The following LCN10 variants were observed in gnomAD, a reference collection of about 807,000 sequenced individuals.
The protein encoded by LCN10 is epididymal-specific lipocalin-10.
In LCN10, 18 loss-of-function variants were observed where a neutral mutation model predicts 25.1. The observed-to-expected ratio is 0.72, with a 90% CI of 0.50 to 1.06. The LOEUF is 1.06. Among genes scored for constraint, LCN10 ranks in the 50% least tolerant of loss-of-function variants. The probability of loss-of-function intolerance (pLI) is 0.00; values close to 1 mark genes in which losing one functional copy is unlikely to be tolerated. For synonymous variants in LCN10, 130 were observed against 116.7 expected, an observed-to-expected ratio of 1.11 and a Z score of -0.73; for missense variants, 257 against 258.9, an observed-to-expected ratio of 0.99 and a Z score of 0.05.
Position 136,739,857 on chromosome 9 carries a change from G to T in LCN10, c.574+93C>A. 1.9e-6 allele frequency: 2 copies of T among 1,060,910 alleles called. No homozygotes were observed. The highest frequency in any genetic ancestry group is 1.4e-6 in the Non-Finnish European group (1 of 699,912). The allele number at this position is 1,060,910 out of a possible 1,614,324, so 65.7% of individuals were successfully genotyped here. On this transcript the variant is annotated intron_variant, in intron 5 of 5. Coordinates refer to ENST00000497771, the MANE Select transcript of LCN10 (RefSeq NM_001001712.3). The surrounding 1 kb of genome is among the most constrained non-coding windows in gnomAD (Gnocchi z 6.1). ...TCTTTCAAATGGCACCTTTCAAATG[G>T]ATCCTTTCATCTCTCCTTCCCCCAA...
At position 136,740,392 on chromosome 9, in the gene LCN10, G is replaced by T; in HGVS notation, c.476-344C>A. The T allele has an allele frequency of 2.3e-6, 1 of 440,090 alleles. No individual in the cohort carries two copies. The highest frequency in any genetic ancestry group is 4.3e-5 in the East Asian group (1 of 23,390). The allele number at this position is 440,090 out of a possible 1,614,324, so 27.3% of individuals were successfully genotyped here. ...CACCTCCCCTCTACCCGTTCCAACCGGGAGGGCCACTCCTTTCCGTGTACC... is the reference window on the plus strand; with the variant it reads ...CACCTCCCCTCTACCCGTTCCAACCTGGAGGGCCACTCCTTTCCGTGTACC... On this transcript the variant is annotated intron_variant, in intron 4 of 5. Coordinates refer to ENST00000497771, the MANE Select transcript of LCN10 (RefSeq NM_001001712.3). The surrounding 1 kb of genome is among the most constrained non-coding windows in gnomAD (Gnocchi z 5.3).
In LCN10 at chr9:136,740,495, C is replaced by T. The variant is rs1465062756; in HGVS notation, c.475+341G>A. 4.4e-6 allele frequency: 2 copies of T among 456,458 alleles called. No homozygotes were observed. Among genetic ancestry groups the T allele is most frequent in the East Asian group, 7.3e-5 (2 of 27,336 alleles). 28.3% of individuals were successfully genotyped at this position (456,458 alleles called of 1,614,324 possible). ...CACTTCCACACCCCTCCATCCCGGG[C>T]AGACCCTTACCTGGGACCCCTCCCA... On this transcript the variant is annotated intron_variant, in intron 4 of 5. Transcript: ENST00000497771. This position sits in a 1 kb window ranked among gnomAD's most constrained non-coding sequence, Gnocchi z 5.3.
intron 2 of LCN10, 155 bp downstream of exon 2, chr9:136,741,726 A>T: frequency 9.6e-7 from 1 of 1,038,074 alleles, no homozygotes; most frequent in Non-Finnish European, 1.4e-6. Flanking sequence ...CAGGGGCTGC[A>T]GGTGGCTTCC....
chr9:136,742,082 G>C, intron 1 of LCN10, 62 bp from the exon 2 acceptor site: 1 of 1,593,980 alleles, frequency 6.3e-7, no homozygotes. Context: ...CCACCCCCGA[G>C]GTTCCCAGCT....
chr9:136,741,570 G>C, intron 2 of LCN10: 1 of 605,740 alleles, frequency 1.7e-6, no homozygotes, highest in Non-Finnish European at 2.9e-6. Context: ...ATTCGGACTG[G>C]GGCCTGTCCC....
In LCN10 at chr9:136,739,491, C is replaced by T. The variant is rs144903387; in HGVS notation, c.*34G>A. 3.2e-4 allele frequency: 514 copies of T among 1,582,684 alleles called. 1 individual carries two copies. The highest frequency in any genetic ancestry group is 2.3e-3 in the African/African-American group (168 of 74,394). ...ACGCTCCTCGGGTCTGGGAGGACCA[C>T]GCGTCGAAAGGGAAGAGCAGAGGAC... On this transcript the variant is annotated 3_prime_UTR_variant, in exon 6 of 6. Transcript: ENST00000497771. This position sits in a 1 kb window ranked among gnomAD's most constrained non-coding sequence, Gnocchi z 6.1.
rs1330414540 is a variant in LCN10, at chr9:136,741,760, G to A, written c.257+121C>T. The A allele has an allele frequency of 3.1e-5, 41 of 1,328,164 alleles. No individual in the cohort carries two copies. In the East Asian group the frequency reaches 9.8e-4, roughly 32 times the overall value. The allele number at this position is 1,328,164 out of a possible 1,614,324, so 82.3% of individuals were successfully genotyped here. ...CCTCTGAGTTTAGGGGGAGGAAGTGGGGGGACGGTTCTTGTGGAACTTCCA... is the reference window on the plus strand; with the variant it reads ...CCTCTGAGTTTAGGGGGAGGAAGTGAGGGGACGGTTCTTGTGGAACTTCCA... On this transcript the variant is annotated intron_variant, in intron 2 of 5. Coordinates refer to ENST00000497771, the MANE Select transcript of LCN10 (RefSeq NM_001001712.3).
rs1318683859 is a variant in LCN10 at position 136,742,802 on chromosome 9, G to A, written c.102C>T (p.Ala34=). The change falls in exon 1 of 6, where the codon GCC becomes GCT. Residue 34 remains alanine, a synonymous_variant. Transcript: ENST00000497771. ...CATGGCTCACCTTGTTCCAGTTGAG[G>A]GCGTGGGACTCCCTGGGGTACCACT... ...VQEWYPRESH[A]LNWNKFSGFW... 7.4e-6 allele frequency: 12 copies of A among 1,613,388 alleles called. No individual in the cohort carries two copies. Among genetic ancestry groups the A allele is most frequent in the Admixed American group, 1.7e-5 (1 of 60,004 alleles).
rs557924166 is a variant in LCN10 at position 136,741,602 on chromosome 9, A to G, written c.258-241T>C. The G allele has an allele frequency of 4.9e-5, 30 of 607,440 alleles. No individual in the cohort carries two copies. The African/African-American group carries it at 5.0e-4, about 10-fold the overall frequency. 37.6% of individuals were successfully genotyped at this position (607,440 alleles called of 1,614,324 possible). The stretch of plus-strand genomic sequence containing the variant: ...TCCCACGGCACGAGAGAAACTCCCA[A>G]CACCCACCCGTGTGGGGCCCAGGAG... On this transcript the variant is annotated intron_variant, in intron 2 of 5. Transcript: ENST00000497771.
At position 136,741,318 on chromosome 9, in the gene LCN10, C is replaced by T. The variant is rs1025988366; in HGVS notation, c.301G>A (p.Gly101Arg). Residue 101 changes from glycine (G) to arginine (R), a missense_variant, in exon 3 of 6, where the codon GGG (glycine) becomes AGG (arginine). Coordinates refer to ENST00000497771, the MANE Select transcript of LCN10 (RefSeq NM_001001712.3). Reference sequence around the variant, plus strand: ...GCGTTCCCAAACACCGGCTTCTTCCCGTCTTTCCTCAGGATCACCTCCTGG... The same window carrying T: ...GCGTTCCCAAACACCGGCTTCTTCCTGTCTTTCCTCAGGATCACCTCCTGG... ...QSQEVILRKD[G>R]KKPVFGNACA... 3.7e-6 allele frequency: 6 copies of T among 1,613,354 alleles called. No homozygotes were observed. Among genetic ancestry groups the T allele is most frequent in the Non-Finnish European group, 5.1e-6 (6 of 1,179,796 alleles).
In LCN10 at chr9:136,740,658, G is replaced by T. The variant is rs1233723334; in HGVS notation, c.475+178C>A. On this transcript the variant is annotated intron_variant, in intron 4 of 5. Transcript: ENST00000497771. The surrounding 1 kb of genome is among the most constrained non-coding windows in gnomAD (Gnocchi z 5.3). The stretch of plus-strand genomic sequence containing the variant: ...TGACGTCCCCTATCCTTGCTTCAGC[G>T]ACCTCCAGGACCTGACTGCTGTGGT... The T allele has an allele frequency of 3.5e-6, 2 of 572,844 alleles. No individual in the cohort carries two copies. Among genetic ancestry groups the T allele is most frequent in the Non-Finnish European group, 6.2e-6 (2 of 322,358 alleles). 35.5% of individuals were successfully genotyped at this position (572,844 alleles called of 1,614,324 possible).
At position 136,741,319 on chromosome 9, in the gene LCN10, G is replaced by A. The variant is rs548657046; in HGVS notation, c.300C>T (p.Asp100=). The A allele has an allele frequency of 1.7e-5, 27 of 1,613,140 alleles. No homozygotes were observed. Among genetic ancestry groups the A allele is most frequent in the Middle Eastern group, 1.6e-4 (1 of 6,084 alleles). ...CQSQEVILRK[D]GKKPVFGNAC... ...CGTTCCCAAACACCGGCTTCTTCCC[G>A]TCTTTCCTCAGGATCACCTCCTGGG... The change falls in exon 3 of 6, where the codon GAC becomes GAT. Residue 100 remains aspartate, a synonymous_variant. Transcript: ENST00000497771.
Position 136,741,881 on chromosome 9 carries a change from C to T in LCN10, c.257G>A (p.Arg86Gln), listed in dbSNP as rs761032317. Residue 86 changes from arginine to glutamine, a missense_variant and splice_region_variant, in exon 2 of 6, where the codon CGG becomes CAG. Transcript: ENST00000497771. ...TGCCTGGGGGGCGCTGCCCACTCAC[C>T]GTCTGAAGGCGAGGAGCACGCGGAG... ...GQLRVLLAFR[R>Q]LKGCQSQEVI... is the part of the protein sequence containing the mutation. 2.9e-5 allele frequency: 47 copies of T among 1,603,680 alleles called. No homozygotes were observed. Among genetic ancestry groups the T allele is most frequent in the East Asian group, 4.5e-5 (2 of 44,486 alleles).
In LCN10 at chr9:136,740,032, C is replaced by T. The variant is rs374555716; in HGVS notation, c.492G>A (p.Ser164=). 1.5e-5 allele frequency: 24 copies of T among 1,576,496 alleles called. No individual in the cohort carries two copies. The highest frequency in any genetic ancestry group is 1.8e-5 in the Non-Finnish European group (21 of 1,160,514). The part of the protein sequence containing the change: ...NLLLFHRQNV[S]SFQSLKEFMD... ...TGAATTCCTTCAGACTCTGGAAGCT[C>T]GAAACATTCTGCCTATCTGAGGTTG... The change falls in exon 5 of 6, where the codon TCG becomes TCA. Residue 164 remains serine, a synonymous_variant. Coordinates refer to ENST00000497771, the MANE Select transcript of LCN10 (RefSeq NM_001001712.3). This position sits in a 1 kb window ranked among gnomAD's most constrained non-coding sequence, Gnocchi z 5.3.
At position 136,740,752 on chromosome 9, in the gene LCN10, G is replaced by GGGT; in HGVS notation, c.475+83_475+84insACC. ...ACTCTCCCTGCCCGCCTCACCTCCTGCCCGGCCCCCTGTGCCCAGCGCCCC... is the reference window on the plus strand; with the variant it reads ...ACTCTCCCTGCCCGCCTCACCTCCTGGGTCCCGGCCCCCTGTGCCCAGCGCCCC... On this transcript the variant is annotated intron_variant, in intron 4 of 5. Coordinates refer to ENST00000497771, the MANE Select transcript of LCN10 (RefSeq NM_001001712.3). The surrounding 1 kb of genome is among the most constrained non-coding windows in gnomAD (Gnocchi z 5.3). The GGGT allele has an allele frequency of 9.5e-7, 1 of 1,056,800 alleles. No individual in the cohort carries two copies. Among genetic ancestry groups the GGGT allele is most frequent in the Non-Finnish European group, 1.4e-6 (1 of 737,710 alleles). 65.5% of individuals were successfully genotyped at this position (1,056,800 alleles called of 1,614,324 possible). A position where few individuals can be genotyped will look rare whatever the true frequency, so the allele number is the denominator to read the frequency against.
chr9:136,740,747 C>CTCCTGTG lies in LCN10; in HGVS notation c.475+88_475+89insCACAGGA, dbSNP rs11281091. On this transcript the variant is annotated intron_variant, in intron 4 of 5. Transcript: ENST00000497771. The surrounding 1 kb of genome is among the most constrained non-coding windows in gnomAD (Gnocchi z 5.3). ...CCCCCACTCTCCCTGCCCGCCTCACCTCCTGCCCGGCCCCCTGTGCCCAGC... is the reference window on the plus strand; with the variant it reads ...CCCCCACTCTCCCTGCCCGCCTCACCTCCTGTGTCCTGCCCGGCCCCCTGTGCCCAGC... The CTCCTGTG allele has an allele frequency of 2.0e-6, 2 of 1,003,576 alleles. No individual in the cohort carries two copies. The highest frequency in any genetic ancestry group is 1.5e-6 in the Non-Finnish European group (1 of 683,064). The allele number at this position is 1,003,576 out of a possible 1,614,324, so 62.2% of individuals were successfully genotyped here.
intron 1 of LCN10, chr9:136,742,419 G>C (rs1384508989): frequency 2.4e-6 from 1 of 422,138 alleles, no homozygotes; most frequent in Middle Eastern, 6.4e-4. Context: ...GTGCCAATGA[G>C]TGCTGCTCCC....
Position 136,740,232 on chromosome 9 carries a change from C to T in LCN10, c.476-184G>A, listed in dbSNP as rs116865492. 0.028 allele frequency: 17,015 copies of T among 612,606 alleles called. 338 individuals carry two copies. The highest frequency in any genetic ancestry group is 0.038 in the Non-Finnish European group (12,764 of 336,928). The allele number at this position is 612,606 out of a possible 1,614,324, so 37.9% of individuals were successfully genotyped here. A position where few individuals can be genotyped will look rare whatever the true frequency, so the allele number is the denominator to read the frequency against. On this transcript the variant is annotated intron_variant, in intron 4 of 5. Transcript: ENST00000497771. The surrounding 1 kb of genome is among the most constrained non-coding windows in gnomAD (Gnocchi z 5.3). ...TCCCCACTTACGAGGCAGCCAGGCT[C>T]GGGAAGCCAGGGTCACCACGCTGTC...
intron 1 of LCN10, chr9:136,742,306 A>T: frequency 4.3e-6 from 2 of 467,292 alleles, no homozygotes; most frequent in Non-Finnish European, 7.7e-6. Context: ...GCTCCTTCCC[A>T]CATGGCCTCC....
Sources: allele counts gnomAD v4.1 joint callset, GRCh38; gene constraint gnomAD v4.1.1; non-coding constraint Gnocchi (gnomAD v3.1); transcripts MANE v1.5; gene names NCBI Gene and HGNC (gene_info 2026-07-23, HGNC 2026-07-21).